MAX: variants seen among roughly 807,000 people sequenced by gnomAD.
The protein encoded by MAX is protein max.
MAX carries 3 observed loss-of-function variants against 22.3 expected under a neutral mutation model. The observed-to-expected ratio is 0.13, with a 90% CI of 0.06 to 0.35. The LOEUF (loss-of-function observed/expected upper bound fraction) is 0.35. Among genes scored for constraint, MAX ranks in the 10% least tolerant of loss-of-function variants. The pLI is 1.00. For synonymous variants in MAX, 72 were observed against 77.7 expected (o/e 0.93, Z 0.39); for missense variants, 119 against 209.4 (o/e 0.57, Z 2.66).
chr14:65,077,828 GCT>G lies in MAX; in HGVS notation c.295+83_295+84del. The G allele has an allele frequency of 6.2e-7, 1 of 1,614,132 alleles. No individual in the cohort carries two copies. The highest frequency in any genetic ancestry group is 1.7e-5 in the Admixed American group (1 of 60,028). ...CTACTGAGCACATACTCCATGACTG[GCT>G]CTGACTCTGCAGGCCCAGGTGCCAA... On this transcript the variant is annotated intron_variant, in intron 4 of 4. Coordinates refer to ENST00000358664, the MANE Select transcript of MAX (RefSeq NM_002382.5). This position sits in a 1 kb window ranked among gnomAD's most constrained non-coding sequence, Gnocchi z 6.3.
chr14:65,040,996 A>C, intron 3 of MAX: 1 of 1,568,766 alleles, frequency 6.4e-7, no homozygotes, highest in East Asian at 2.3e-5. Flanking sequence ...TGCAGGCTTC[A>C]GGAGAGTTTG....
At chr14:65,051,436 C>T (rs1172362150) in intron 3 of MAX, among the ~76,000 whole-genome samples, 1 of 152,052 alleles carries the variant, frequency 6.6e-6, no homozygotes, top group East Asian at 1.9e-4. Flanking sequence ...CATAGTGAAA[C>T]CATGTCTCTA....
At chr14:65,061,030 G>C in intron 3 of MAX, 2 of 1,276,976 alleles carry the variant, frequency 1.6e-6, no homozygotes, top group Non-Finnish European at 2.1e-6. Flanking sequence ...GATAGTTTTA[G>C]CAAATACACC....
intron 3 of MAX, among the ~76,000 whole-genome samples, chr14:65,049,582 C>A (rs1032130317): frequency 6.6e-6 from 1 of 152,078 alleles, no homozygotes; most frequent in Admixed American, 6.6e-5. Context: ...AGCTTCTATG[C>A]TTTAATAATA....
chr14:65,096,654 G>A (rs1303208055), intron 2 of MAX, among the ~76,000 whole-genome samples: 1 of 151,998 alleles, frequency 6.6e-6, no homozygotes. Flanking sequence ...AAGAAAAACT[G>A]GGTGAAGACT....
intron 3 of MAX, among the ~76,000 whole-genome samples, chr14:65,086,729 C>T (rs1454181824): frequency 6.6e-6 from 1 of 152,164 alleles, no homozygotes; most frequent in Non-Finnish European, 1.5e-5. Flanking sequence ...AATTTGTAGC[C>T]TGACAATGTG....
rs2063834899 is a variant in MAX, at chr14:65,101,562, G to T, written c.47C>A (p.Pro16Gln). Residue 16 changes from proline to glutamine, a missense_variant, in exon 2 of 5, where the codon CCG becomes CAG. Pro to Gln is a moderately conservative substitution (Grantham distance 76). Coordinates refer to ENST00000358664, the MANE Select transcript of MAX (RefSeq NM_002382.5). ...DIEVESDEEQ[P>Q]RFQSAADKRA... ...GAGACGTACCGCAGATTGAAACCTC[G>T]GTTGCTCTTCCTGGAATAAGAGAGA... The T allele has an allele frequency of 6.2e-7, 1 of 1,608,946 alleles. No individual in the cohort carries two copies. Among genetic ancestry groups the T allele is most frequent in the Non-Finnish European group, 8.5e-7 (1 of 1,176,198 alleles).
At chr14:65,083,642 G>A in intron 3 of MAX, 1 of 809,802 alleles carries the variant, frequency 1.2e-6, no homozygotes, top group Non-Finnish European at 1.5e-6. Flanking sequence ...TTCCTCTTCA[G>A]TGCCCAAAAC....
Position 65,041,639 on chromosome 14 carries a change from C to G in MAX, c.172-35355G>C, listed in dbSNP as rs367759258. On this transcript the variant is annotated intron_variant, in intron 3 of 3. Coordinates refer to the MAX transcript ENST00000341653. Reference sequence around the variant, plus strand: ...GTTCAGATGCCAGCCTCCCGTTATGCGGCCCATCGTGAGCTTCCTGGAGAG... The same window carrying G: ...GTTCAGATGCCAGCCTCCCGTTATGGGGCCCATCGTGAGCTTCCTGGAGAG... Among the ~76,000 whole-genome samples the G allele has an allele frequency of 6.6e-5, 10 of 152,278 alleles. No individual in the cohort carries two copies. In the South Asian group the frequency reaches 2.1e-3, roughly 32 times the overall value.
rs1478594684 is a variant in MAX at position 65,027,462 on chromosome 14, G to A, written c.172-21178C>T. ...TTGGCTGTGTACCTAGTGTGTGTCA[G>A]TTCCTGGAGCTGTGTCAGAGCCCAG... On this transcript the variant is annotated intron_variant, in intron 3 of 3. Transcript: ENST00000341653. This position sits in a 1 kb window ranked among gnomAD's most constrained non-coding sequence, Gnocchi z 5.7. The A allele has an allele frequency of 6.2e-7, 1 of 1,614,194 alleles. No homozygotes were observed. Among genetic ancestry groups the A allele is most frequent in the East Asian group, 2.2e-5 (1 of 44,888 alleles).
intron 3 of MAX, among the ~76,000 whole-genome samples, chr14:65,048,990 G>C (rs1435326036): frequency 6.6e-6 from 1 of 152,146 alleles, no homozygotes; most frequent in Non-Finnish European, 1.5e-5. Flanking sequence ...GCCAGGCATG[G>C]TGCCACGTTG....
In MAX at chr14:65,075,458, C is replaced by T; in HGVS notation, c.*1018G>A. On this transcript the variant is annotated 3_prime_UTR_variant, in exon 5 of 5. Transcript: ENST00000358664. The surrounding 1 kb of genome is among the most constrained non-coding windows in gnomAD (Gnocchi z 4.1). ...GCTGGGAAGGGTCCGCACTGGGGTGCGGGTTTAGTACCAGGTAAATTGCTC... is the reference window on the plus strand; with the variant it reads ...GCTGGGAAGGGTCCGCACTGGGGTGTGGGTTTAGTACCAGGTAAATTGCTC... 7.5e-6 allele frequency: 8 copies of T among 1,063,554 alleles called. No homozygotes were observed. The highest frequency in any genetic ancestry group is 5.1e-5 in the East Asian group (1 of 19,778). The allele number at this position is 1,063,554 out of a possible 1,614,324, so 65.9% of individuals were successfully genotyped here.
intron 3 of MAX, among the ~76,000 whole-genome samples, chr14:65,016,768 T>C (rs1454211586): frequency 6.6e-6 from 1 of 152,174 alleles, no homozygotes; most frequent in African/African-American, 2.4e-5. Flanking sequence ...TTAACCCTTG[T>C]GGTACGTAGG....
At position 65,014,673 on chromosome 14, in the gene MAX, G is replaced by C. The variant is rs1386373358; in HGVS notation, c.172-8389C>G. On this transcript the variant is annotated intron_variant, in intron 3 of 3. Transcript: ENST00000341653. This position sits in a 1 kb window ranked among gnomAD's most constrained non-coding sequence, Gnocchi z 5.1. The stretch of plus-strand genomic sequence containing the variant: ...TATAAAAACTTAAAAAATTAGCCAG[G>C]CATAGTGGTGTGTGCCCGTAGTCCC... Among the ~76,000 whole-genome samples, 3 of 152,110 alleles carry C rather than the reference G, an allele frequency of 2.0e-5. No individual in the cohort carries two copies. The highest frequency in any genetic ancestry group is 4.4e-5 in the Non-Finnish European group (3 of 68,022).
chr14:65,053,144 ACCTTGACTATT>A (rs2062650962), intron 3 of MAX: 1 of 995,148 alleles, frequency 1.0e-6, no homozygotes, highest in Admixed American at 4.2e-5. Flanking sequence ...GGAGCAGGAA[ACCTTGACTATT>A]CCCCCAGGTG....
In MAX at chr14:65,059,333, C is replaced by CT. The variant is rs549995463; in HGVS notation, c.171+34374dup. The stretch of plus-strand genomic sequence containing the variant: ...TTGTACCTGGCCCCCGCACTAGCCC[C>CT]TTTTTTTTTTTCAGTCCTTAAAAGG... On this transcript the variant is annotated intron_variant, in intron 3 of 3. Transcript: ENST00000341653. Among the ~76,000 whole-genome samples, 149 of 146,606 alleles carry CT rather than the reference C, an allele frequency of 1.0e-3. 1 individual carries two copies. In the East Asian group the frequency reaches 0.014, roughly 13 times the overall value.
At position 65,088,457 on chromosome 14, in the gene MAX, G is replaced by A. The variant is rs2063404047; in HGVS notation, c.171+5251C>T. ...TTTAAAAAGATAATTGCCCAAGTTG[G>A]AGTCTGACTAGCTAATATAACCTTA... On this transcript the variant is annotated intron_variant, in intron 3 of 4. Coordinates refer to ENST00000358664, the MANE Select transcript of MAX (RefSeq NM_002382.5). This position sits in a 1 kb window ranked among gnomAD's most constrained non-coding sequence, Gnocchi z 5.2. Among the ~76,000 whole-genome samples the A allele has an allele frequency of 6.6e-6, 1 of 152,222 alleles. No individual in the cohort carries two copies. Among genetic ancestry groups the A allele is most frequent in the Non-Finnish European group, 1.5e-5 (1 of 68,034 alleles).
chr14:65,008,080 C>A (rs755734863), intron 3 of MAX, among the ~76,000 whole-genome samples: 1 of 152,178 alleles, frequency 6.6e-6, no homozygotes, highest in Non-Finnish European at 1.5e-5. Flanking sequence ...AGGATGTATT[C>A]CCTTCTTACT....
intron 3 of MAX, chr14:65,040,662 T>C (rs188707904): frequency 1.7e-6 from 2 of 1,201,552 alleles, no homozygotes; most frequent in East Asian, 5.9e-5. Flanking sequence ...TTGGCATCTT[T>C]TCATTCATAG....
Sources: gnomAD v4.1 joint callset for allele counts (sites outside exome capture counted in the v4.1 genomes callset) on GRCh38, gnomAD v4.1.1 for gene constraint, Gnocchi (gnomAD v3.1) non-coding constraint, MANE v1.5 for transcripts, NCBI Gene and HGNC (gene_info 2026-07-23, HGNC 2026-07-21) for gene names.